Variants in IL17F observed in about 807,000 individuals in gnomAD.
IL17F encodes the protein interleukin-17F.
Under a neutral mutation model 8.3 loss-of-function variants are expected in IL17F, and 6 were observed. That is an observed-to-expected ratio of 0.73 (90% CI 0.40 to 1.43). The LOEUF (loss-of-function observed/expected upper bound fraction) is 1.43. IL17F is among the 40% of genes most tolerant of loss of function. The probability of loss-of-function intolerance (pLI) is 0.02; values close to 1 mark genes in which losing one functional copy is unlikely to be tolerated. For synonymous variants in IL17F, 98 were observed against 81.6 expected, an observed-to-expected ratio of 1.20 and a Z score of -1.08; for missense variants, 204 against 209.6, an observed-to-expected ratio of 0.97 and a Z score of 0.17.
chr6:52,244,634 G>A (rs569669748), upstream of IL17F: 103 of 598,068 alleles, frequency 1.7e-4, no homozygotes, highest in South Asian at 6.6e-4. Context: ...TCCATTTCCC[G>A]AAGGGGAACA....
intron 1 of IL17F, among the ~76,000 whole-genome samples, chr6:52,241,002 C>T (rs1381734897): frequency 3.3e-5 from 5 of 152,160 alleles, no homozygotes; most frequent in Non-Finnish European, 7.4e-5. Flanking sequence ...TATTGTGCTA[C>T]ACAGTGGACT....
Position 52,236,818 on chromosome 6 carries a change from T to G in IL17F, c.*113A>C. On this transcript the variant is annotated 3_prime_UTR_variant, in exon 3 of 3. Coordinates refer to ENST00000336123, the MANE Select transcript of IL17F (RefSeq NM_052872.4). ...TTTCTGTTTCCATCCGTGCAGGTCT[T>G]ATTAAGAGTCCTGTGAAGTGGAGGG... 1.2e-6 allele frequency: 1 copy of G among 830,724 alleles called. No individual in the cohort carries two copies. Among genetic ancestry groups the G allele is most frequent in the Non-Finnish European group, 2.1e-6 (1 of 468,292 alleles). The allele number at this position is 830,724 out of a possible 1,614,324, so 51.5% of individuals were successfully genotyped here.
rs1764019810 is a variant in IL17F at position 52,238,964 on chromosome 6, G to C, written c.34-14C>G. ...CAAGTACTTGACCTGGAAAATAGAAGACGCTGCAATCAGTTAGAGACTCGC... is the reference window on the plus strand; with the variant it reads ...CAAGTACTTGACCTGGAAAATAGAACACGCTGCAATCAGTTAGAGACTCGC... On this transcript the variant is annotated splice_polypyrimidine_tract_variant and intron_variant, in intron 1 of 2. Transcript: ENST00000336123. The C allele has an allele frequency of 1.2e-6, 2 of 1,610,224 alleles. No homozygotes were observed. Among genetic ancestry groups the C allele is most frequent in the Non-Finnish European group, 1.7e-6 (2 of 1,177,824 alleles).
chr6:52,244,435 G>A lies in IL17F; in HGVS notation c.-6C>T, dbSNP rs764936954. On this transcript the variant is annotated 5_prime_UTR_variant, in exon 1 of 3. Transcript: ENST00000336123. ...TGCAGGGTCTTCACTGTCATGTTGC[G>A]CTGGTGGCTTACTTTGTGCAGGAAG... is the stretch of plus-strand genomic sequence containing the variant. 46 of 1,613,760 alleles carry A rather than the reference G, an allele frequency of 2.9e-5. No individual in the cohort carries two copies. The highest frequency in any genetic ancestry group is 1.6e-4 in the Middle Eastern group (1 of 6,084).
Position 52,242,260 on chromosome 6 carries a change from C to T in IL17F, c.33+2137G>A, listed in dbSNP as rs540244597. Reference sequence around the variant, plus strand: ...AAGGTGAGCTGTAACAGGACAACAACCTTCTCAGCCTAGCTTTGCACCTCA... The same window carrying T: ...AAGGTGAGCTGTAACAGGACAACAATCTTCTCAGCCTAGCTTTGCACCTCA... On this transcript the variant is annotated intron_variant, in intron 1 of 2. Coordinates refer to ENST00000336123, the MANE Select transcript of IL17F (RefSeq NM_052872.4). Among the ~76,000 whole-genome samples the T allele has an allele frequency of 1.4e-4, 21 of 152,332 alleles. 1 individual carries two copies. In the South Asian group the frequency reaches 4.4e-3, roughly 32 times the overall value.
intron 1 of IL17F, 35 bp downstream of exon 1, chr6:52,244,362 A>C: frequency 6.2e-7 from 1 of 1,605,226 alleles, no homozygotes; most frequent in Non-Finnish European, 8.5e-7. Flanking sequence ...CCTAGGCATG[A>C]CAGTCCTTAA....
chr6:52,239,007 G>C (rs1764021249), intron 1 of IL17F, 57 bp from the exon 2 acceptor site: 14 of 1,459,446 alleles, frequency 9.6e-6, no homozygotes, highest in Non-Finnish European at 1.3e-5. Context: ...ACTAGCAAGA[G>C]ATGCATGGTC....
intron 1 of IL17F, among the ~76,000 whole-genome samples, chr6:52,243,684 G>C (rs535533028): frequency 6.6e-6 from 1 of 152,302 alleles, no homozygotes; most frequent in African/African-American, 2.4e-5. Flanking sequence ...CTAGTTGTCT[G>C]TGATGCCAAG....
chr6:52,239,987 G>T (rs551691211), intron 1 of IL17F, among the ~76,000 whole-genome samples: 2 of 152,086 alleles, frequency 1.3e-5, no homozygotes, highest in African/African-American at 2.4e-5. Flanking sequence ...ATAGGAATGC[G>T]CAAAGAATGA....
intron 2 of IL17F, among the ~76,000 whole-genome samples, chr6:52,237,635 C>T (rs6901370): frequency 6.6e-6 from 1 of 151,924 alleles, no homozygotes; most frequent in African/African-American, 2.4e-5. Context: ...GAATCTCAGA[C>T]CTTCTCTCCA....
At chr6:52,242,989 A>G (rs1764098625) in intron 1 of IL17F, among the ~76,000 whole-genome samples, 2 of 152,188 alleles carry the variant, frequency 1.3e-5, no homozygotes, top group South Asian at 4.1e-4. Context: ...CCCACCATAC[A>G]GTTGAGGAAA....
At position 52,236,852 on chromosome 6, in the gene IL17F, G is replaced by T. The variant is rs1763968301; in HGVS notation, c.*79C>A. The T allele has an allele frequency of 5.4e-6, 6 of 1,106,394 alleles. No individual in the cohort carries two copies. Among genetic ancestry groups the T allele is most frequent in the South Asian group, 5.0e-5 (4 of 80,408 alleles). The allele number at this position is 1,106,394 out of a possible 1,614,324, so 68.5% of individuals were successfully genotyped here. A position where few individuals can be genotyped will look rare whatever the true frequency, so the allele number is the denominator to read the frequency against. ...TCCTGTGAAGTGGAGGGAATTGGGGGTCAGACAGGACTTGTTGCAGAGCAC... is the reference window on the plus strand; with the variant it reads ...TCCTGTGAAGTGGAGGGAATTGGGGTTCAGACAGGACTTGTTGCAGAGCAC... On this transcript the variant is annotated 3_prime_UTR_variant, in exon 3 of 3. Coordinates refer to ENST00000336123, the MANE Select transcript of IL17F (RefSeq NM_052872.4).
chr6:52,242,340 C>T (rs941367455), intron 1 of IL17F, among the ~76,000 whole-genome samples: 3 of 152,210 alleles, frequency 2.0e-5, no homozygotes, highest in African/African-American at 4.8e-5. Context: ...TACTCACCAG[C>T]AATGTGTGGA....
At chr6:52,243,997 G>C (rs1037252475) in intron 1 of IL17F, among the ~76,000 whole-genome samples, 1 of 152,106 alleles carries the variant, frequency 6.6e-6, no homozygotes, top group African/African-American at 2.4e-5. Context: ...GACCTCAAGT[G>C]ATCCACCCAC....
Position 52,236,961 on chromosome 6 carries a change from G to A in IL17F, c.462C>T (p.Cys154=), listed in dbSNP as rs780312510. The change falls in exon 3 of 3, where the codon TGC becomes TGT. Residue 154 remains cysteine, a synonymous_variant. Transcript: ENST00000336123. ...EKVLVTVGCT[C]VTPVIHHVQ ...GCACATGGTGGATGACAGGGGTGACGCAGGTGCAGCCAACAGTCACCAGCA... is the reference window on the plus strand; with the variant it reads ...GCACATGGTGGATGACAGGGGTGACACAGGTGCAGCCAACAGTCACCAGCA... 18 of 1,613,922 alleles carry A rather than the reference G, an allele frequency of 1.1e-5. No homozygotes were observed. The highest frequency in any genetic ancestry group is 8.9e-5 in the East Asian group (4 of 44,902).
chr6:52,236,945 G>A lies in IL17F; in HGVS notation c.478C>T (p.His160Tyr). ...VGCTCVTPVI[H>Y]HVQ ...ATATGCACCTCTTACTGCACATGGT[G>A]GATGACAGGGGTGACGCAGGTGCAG... The change falls in exon 3 of 3, where the codon CAC becomes TAC. Residue 160 changes from histidine (H) to tyrosine (Y), a missense_variant. Physicochemically the swap from His to Tyr is moderately conservative, Grantham distance 83. Coordinates refer to ENST00000336123, the MANE Select transcript of IL17F (RefSeq NM_052872.4). 6.2e-7 allele frequency: 1 copy of A among 1,613,340 alleles called. No individual in the cohort carries two copies. Among genetic ancestry groups the A allele is most frequent in the Non-Finnish European group, 8.5e-7 (1 of 1,179,266 alleles).
chr6:52,237,561 C>T (rs914482363), intron 2 of IL17F, among the ~76,000 whole-genome samples: 4 of 152,002 alleles, frequency 2.6e-5, no homozygotes, highest in Non-Finnish European at 5.9e-5. Flanking sequence ...AGTCAGTCTT[C>T]CATCACTAGT....
At chr6:52,238,644 A>C in intron 2 of IL17F, 86 bp downstream of exon 2, 1 of 1,149,030 alleles carries the variant, frequency 8.7e-7, no homozygotes, top group South Asian at 1.3e-5. Flanking sequence ...TATTTTTTCT[A>C]TGTATTCTAC....
rs11465554 is a variant in IL17F at position 52,236,795 on chromosome 6, T to C, written c.*136A>G. 3,437 of 771,892 alleles carry C rather than the reference T, an allele frequency of 4.5e-3. 64 individuals carry two copies. The African/African-American group carries it at 0.047, about 11-fold the overall frequency. 47.8% of individuals were successfully genotyped at this position (771,892 alleles called of 1,614,324 possible). A position where few individuals can be genotyped will look rare whatever the true frequency, so the allele number is the denominator to read the frequency against. On this transcript the variant is annotated 3_prime_UTR_variant, in exon 3 of 3. Transcript: ENST00000336123. ...ATACACACATACATTGTGAATATTT[T>C]CTGTTTCCATCCGTGCAGGTCTTAT... is the stretch of plus-strand genomic sequence containing the variant.
Sources: allele counts gnomAD v4.1 joint callset (sites outside exome capture counted in the v4.1 genomes callset), GRCh38; gene constraint gnomAD v4.1.1; transcripts MANE v1.5; gene names NCBI Gene and HGNC (gene_info 2026-07-23, HGNC 2026-07-21).